KSR1: variants seen among roughly 807,000 people sequenced by gnomAD.
KSR1 encodes kinase suppressor of ras.
Under a neutral mutation model 92.9 loss-of-function variants are expected in KSR1, and 35 were observed. The ratio of observed to expected loss-of-function variants is 0.38; its 90% confidence interval spans 0.29 to 0.50. The LOEUF is 0.50. KSR1 is among the 20% of genes least tolerant of loss of function. The probability of loss-of-function intolerance (pLI) is 0.94; values close to 1 mark genes in which losing one functional copy is unlikely to be tolerated. For missense variants in KSR1, 972 were observed against 1,158.5 expected (o/e 0.84, Z 2.34); for synonymous variants, 467 against 472.6 (o/e 0.99, Z 0.15).
intron 6 of KSR1, among the ~76,000 whole-genome samples, chr17:27,589,020 C>T (rs183030808): frequency 6.6e-6 from 1 of 152,314 alleles, no homozygotes; most frequent in Non-Finnish European, 1.5e-5. Flanking sequence ...GGAGACAGCA[C>T]GTGTGCATGT....
chr17:27,590,281 A>G (rs1415278231), intron 6 of KSR1, among the ~76,000 whole-genome samples: 3 of 152,196 alleles, frequency 2.0e-5, no homozygotes, highest in Non-Finnish European at 2.9e-5. Flanking sequence ...TAACTTGACA[A>G]TGTGATTTGG....
intron 1 of KSR1, among the ~76,000 whole-genome samples, chr17:27,501,163 C>A (rs1597891614): frequency 6.6e-6 from 1 of 151,848 alleles, no homozygotes; most frequent in African/African-American, 2.4e-5. Flanking sequence ...ATCCTTATTG[C>A]AGCCCTGTGA....
intron 1 of KSR1, among the ~76,000 whole-genome samples, chr17:27,531,073 T>G (rs2070517369): frequency 2.0e-5 from 3 of 152,216 alleles, no homozygotes; most frequent in Admixed American, 2.0e-4. Context: ...GGCGTTTCCT[T>G]GTCCCTTTGG....
intron 10 of KSR1, among the ~76,000 whole-genome samples, chr17:27,600,297 T>C (rs1199512614): frequency 6.6e-6 from 1 of 151,692 alleles, no homozygotes; most frequent in South Asian, 2.1e-4. Context: ...TAGCCAGGCA[T>C]GGTGGTGGGC....
chr17:27,554,400 A>C (rs576228254), intron 2 of KSR1, among the ~76,000 whole-genome samples: 1 of 152,220 alleles, frequency 6.6e-6, no homozygotes. Flanking sequence ...GCCACACAGC[A>C]GGAGGAACGT....
chr17:27,617,246 C>T (rs753210934), intron 18 of KSR1, 49 bp from the exon 19 acceptor site: 14 of 1,565,238 alleles, frequency 8.9e-6, no homozygotes, highest in African/African-American at 1.3e-5. Flanking sequence ...CTGTGTGCCC[C>T]CTCCCTCCCA....
At chr17:27,519,523 G>A (rs1415096455) in intron 1 of KSR1, among the ~76,000 whole-genome samples, 3 of 152,172 alleles carry the variant, frequency 2.0e-5, no homozygotes, top group African/African-American at 2.4e-5. Flanking sequence ...GCCATGGTGC[G>A]TTTGATGCCA....
chr17:27,609,142 G>A, intron 15 of KSR1, 54 bp from the exon 16 acceptor site: 3 of 1,574,650 alleles, frequency 1.9e-6, no homozygotes, highest in Non-Finnish European at 8.7e-7. Context: ...TCCAGCCCAG[G>A]GTGGCACCTC....
intron 18 of KSR1, among the ~76,000 whole-genome samples, chr17:27,616,693 C>G (rs905164760): frequency 2.6e-5 from 4 of 152,172 alleles, no homozygotes; most frequent in African/African-American, 7.2e-5. Context: ...TAGGCCTTTC[C>G]TCACAGGCAG....
intron 1 of KSR1, among the ~76,000 whole-genome samples, chr17:27,494,258 A>C (rs1023531939): frequency 1.3e-5 from 2 of 151,982 alleles, no homozygotes; most frequent in African/African-American, 4.8e-5. Flanking sequence ...TGGTTGCGTA[A>C]TTCTATATGT....
chr17:27,492,300 G>T (rs189821956), intron 1 of KSR1, among the ~76,000 whole-genome samples: 10 of 152,320 alleles, frequency 6.6e-5, no homozygotes, highest in South Asian at 2.1e-4. Flanking sequence ...TTGCTTTCCC[G>T]TCAGACTTGG....
chr17:27,523,352 A>G (rs150602115), intron 1 of KSR1, among the ~76,000 whole-genome samples: 2 of 151,846 alleles, frequency 1.3e-5, no homozygotes, highest in East Asian at 1.9e-4. Context: ...AGGTTGCAGA[A>G]TATCTGTAGT....
At chr17:27,548,131 C>T (rs534933132) in intron 1 of KSR1, among the ~76,000 whole-genome samples, 1 of 151,254 alleles carries the variant, frequency 6.6e-6, no homozygotes, top group African/African-American at 2.4e-5. Context: ...TGCGATGGCT[C>T]ACGCCTGTAA....
chr17:27,601,848 G>A (rs375257754), intron 11 of KSR1: 13 of 1,461,846 alleles, frequency 8.9e-6, no homozygotes, highest in Admixed American at 5.9e-5. Context: ...GAAGGTCTGC[G>A]GGCTTCTCTT....
At chr17:27,590,961 C>T (rs1350992458) in intron 7 of KSR1, 67 bp downstream of exon 7, 1 of 1,322,954 alleles carries the variant, frequency 7.6e-7, no homozygotes, top group Non-Finnish European at 1.1e-6. Context: ...AATGCGCTTC[C>T]CTATGCTTGC....
chr17:27,486,637 C>T (rs1306245180), intron 1 of KSR1, among the ~76,000 whole-genome samples: 1 of 152,172 alleles, frequency 6.6e-6, no homozygotes. Context: ...GCTCGGAGTG[C>T]CAACCTTGAC....
At chr17:27,597,484 C>A (rs771610917) in intron 10 of KSR1, 48 bp downstream of exon 10, 4 of 1,543,822 alleles carry the variant, frequency 2.6e-6, no homozygotes, top group Middle Eastern at 1.7e-4. Context: ...ACAGTCAGAT[C>A]CCCTTCTCAG....
At chr17:27,550,438 G>A in intron 1 of KSR1, 130 bp from the exon 2 acceptor site, 1 of 683,064 alleles carries the variant, frequency 1.5e-6, no homozygotes, top group South Asian at 1.6e-5. Context: ...GCAAACAGCA[G>A]AGAGGAGAGC....
intron 1 of KSR1, among the ~76,000 whole-genome samples, chr17:27,521,611 T>G (rs1383159228): frequency 6.6e-6 from 1 of 152,170 alleles, no homozygotes; most frequent in African/African-American, 2.4e-5. Flanking sequence ...TTTGAATTTT[T>G]TTGTAGAGAT....
Sources: allele counts gnomAD v4.1 joint callset (sites outside exome capture counted in the v4.1 genomes callset), GRCh38; gene constraint gnomAD v4.1.1; transcripts MANE v1.5; gene names NCBI Gene and HGNC (gene_info 2026-07-23, HGNC 2026-07-21).